Variants in GDAP1 observed in about 807,000 individuals in gnomAD.
The protein encoded by GDAP1 is ganglioside-induced differentiation-associated protein 1.
In GDAP1, 34 loss-of-function variants were observed where a neutral mutation model predicts 40.1. The observed-to-expected ratio is 0.85, with a 90% confidence interval of 0.64 to 1.13. The LOEUF (loss-of-function observed/expected upper bound fraction) is 1.13, where lower values mean the gene tolerates loss of function less well. Ranked by LOEUF, GDAP1 falls within the 50% of genes most tolerant of loss-of-function variation. The pLI, the probability that GDAP1 is intolerant of heterozygous loss-of-function variation, is 0.00. For synonymous variants in GDAP1, 170 were observed against 157.4 expected, an observed-to-expected ratio of 1.08 and a Z score of -0.60; for missense variants, 374 against 433.7, an observed-to-expected ratio of 0.86 and a Z score of 1.22.
In GDAP1 at chr8:74,400,324, C is replaced by T. The variant is rs202228231; in HGVS notation, c.165+49003C>T. On this transcript the variant is annotated intron_variant, in intron 2 of 2. Coordinates refer to the GDAP1 transcript ENST00000523640. ...ATGTAATGGCCTTCTTTGTCTCTTTCGATCTTTGTTGGATTAAAGTCTGTT... is the reference window on the plus strand; with the variant it reads ...ATGTAATGGCCTTCTTTGTCTCTTTTGATCTTTGTTGGATTAAAGTCTGTT... Among the ~76,000 whole-genome samples, 14 of 149,630 alleles carry T rather than the reference C, an allele frequency of 9.4e-5. 1 individual carries two copies. Among genetic ancestry groups the T allele is most frequent in the East Asian group, 5.8e-4 (3 of 5,190 alleles).
intron 2 of GDAP1, among the ~76,000 whole-genome samples, chr8:74,466,515 A>C (rs1337436168): frequency 6.6e-6 from 1 of 152,178 alleles, no homozygotes; most frequent in East Asian, 1.9e-4. Context: ...GGGCAATGAG[A>C]AGGAGTGCTG....
At chr8:74,372,561 A>T (rs1809772913) in intron 2 of GDAP1, among the ~76,000 whole-genome samples, 1 of 152,196 alleles carries the variant, frequency 6.6e-6, no homozygotes, top group Non-Finnish European at 1.5e-5. Flanking sequence ...GATGCATAAA[A>T]GTCTTCTTTT....
chr8:74,397,367 T>G (rs370848043), intron 2 of GDAP1, among the ~76,000 whole-genome samples: 23 of 152,038 alleles, frequency 1.5e-4, no homozygotes, highest in Non-Finnish European at 3.1e-4. Flanking sequence ...TTAATTAGAT[T>G]CCATTTGTCA....
At position 74,365,090 on chromosome 8, in the gene GDAP1, G is replaced by T; in HGVS notation, c.*723G>T. Reference sequence around the variant, plus strand: ...TGTCCAGTCAGTGGGAGGTAGAAAGGGTGGCATCTGTAGCCCTCTTCATAC... The same window carrying T: ...TGTCCAGTCAGTGGGAGGTAGAAAGTGTGGCATCTGTAGCCCTCTTCATAC... On this transcript the variant is annotated 3_prime_UTR_variant, in exon 6 of 6. Transcript: ENST00000220822. 1 of 453,976 alleles carries T rather than the reference G, an allele frequency of 2.2e-6. No individual in the cohort carries two copies. The highest frequency in any genetic ancestry group is 4.4e-6 in the Non-Finnish European group (1 of 226,726). 28.1% of individuals were successfully genotyped at this position (453,976 alleles called of 1,614,324 possible). A position where few individuals can be genotyped will look rare whatever the true frequency, so the allele number is the denominator to read the frequency against.
intron 2 of GDAP1, among the ~76,000 whole-genome samples, chr8:74,437,334 A>G (rs1806105486): frequency 6.6e-6 from 1 of 152,224 alleles, no homozygotes; most frequent in East Asian, 1.9e-4. Context: ...TACAGTTACC[A>G]GTCGCAGTAA....
intron 2 of GDAP1, among the ~76,000 whole-genome samples, chr8:74,381,207 A>C (rs925739842): frequency 1.3e-5 from 2 of 152,124 alleles, no homozygotes; most frequent in Admixed American, 1.3e-4. Context: ...TGACCCAATA[A>C]TTTGAGTTTT....
chr8:74,363,893 C>CA (rs1809490240), intron 5 of GDAP1, 92 bp from the exon 6 acceptor site: 1 of 995,558 alleles, frequency 1.0e-6, no homozygotes, highest in Non-Finnish European at 1.6e-6. Flanking sequence ...GCTATACTCA[C>CA]ACTCACCCTT....
intron 2 of GDAP1, among the ~76,000 whole-genome samples, chr8:74,456,964 G>C (rs1251514655): frequency 6.6e-6 from 1 of 152,044 alleles, no homozygotes; most frequent in African/African-American, 2.4e-5. Context: ...GCCAACTCCA[G>C]GAGATTTAAT....
chr8:74,423,394 TTATACA>T (rs1421204802), intron 2 of GDAP1, among the ~76,000 whole-genome samples: 1 of 147,520 alleles, frequency 6.8e-6, no homozygotes, highest in Non-Finnish European at 1.5e-5. Context: ...ATACTGTATA[TTATACA>T]TATATATAAT....
At chr8:74,410,028 T>C (rs2131553375) in intron 2 of GDAP1, among the ~76,000 whole-genome samples, 1 of 150,154 alleles carries the variant, frequency 6.7e-6, no homozygotes, top group South Asian at 2.1e-4. Context: ...GAACCCCTGG[T>C]GTTTCAGTAA....
intron 2 of GDAP1, among the ~76,000 whole-genome samples, chr8:74,445,801 A>C: frequency 6.6e-6 from 1 of 152,208 alleles, no homozygotes; most frequent in East Asian, 1.9e-4. Context: ...TATACAAATA[A>C]ATTAAAATAT....
intron 2 of GDAP1, among the ~76,000 whole-genome samples, chr8:74,446,046 C>T (rs529607344): frequency 8.3e-4 from 126 of 152,110 alleles, no homozygotes; most frequent in Middle Eastern, 3.4e-3. Flanking sequence ...ATAAATCTGC[C>T]CAACAAAATA....
At chr8:74,433,252 A>G (rs1806049335) in intron 2 of GDAP1, among the ~76,000 whole-genome samples, 1 of 152,034 alleles carries the variant, frequency 6.6e-6, no homozygotes, top group Non-Finnish European at 1.5e-5. Context: ...AAAACTTACA[A>G]CTGTATTAAA....
rs137879484 is a variant in GDAP1, at chr8:74,484,503, T to C, written c.166-4175T>C. Among the ~76,000 whole-genome samples the C allele has an allele frequency of 4.1e-3, 620 of 152,334 alleles. 4 individuals are homozygous for C. Among genetic ancestry groups the C allele is most frequent in the African/African-American group, 0.013 (540 of 41,586 alleles). On this transcript the variant is annotated intron_variant, in intron 2 of 2. Transcript: ENST00000523640. ...CATTGCTGATTCTGCAATAGTTTTA[T>C]GATATATAGCTATGAAAGAAGGAGA... is the stretch of plus-strand genomic sequence containing the variant.
chr8:74,393,458 T>G (rs746668193), intron 2 of GDAP1, among the ~76,000 whole-genome samples: 6 of 152,148 alleles, frequency 3.9e-5, no homozygotes, highest in Non-Finnish European at 7.3e-5. Flanking sequence ...TGGCCCCAAA[T>G]TTTTGTTTAA....
chr8:74,374,456 G>C (rs1809817351), intron 2 of GDAP1, among the ~76,000 whole-genome samples: 2 of 151,770 alleles, frequency 1.3e-5, no homozygotes, highest in South Asian at 4.2e-4. Flanking sequence ...ACAGAAAGAG[G>C]AGCAAATTAA....
chr8:74,459,477 T>C (rs1806374278), intron 2 of GDAP1, among the ~76,000 whole-genome samples: 1 of 152,230 alleles, frequency 6.6e-6, no homozygotes, highest in South Asian at 2.1e-4. Flanking sequence ...TCTGGGATTC[T>C]GCATTTTGAC....
In GDAP1 at chr8:74,391,193, G is replaced by A. The variant is rs12680897; in HGVS notation, c.165+39872G>A. Among the ~76,000 whole-genome samples, 811 of 148,504 alleles carry A rather than the reference G, an allele frequency of 5.5e-3. 2 individuals are homozygous for A. Among genetic ancestry groups the A allele is most frequent in the Middle Eastern group, 0.02 (6 of 294 alleles). The stretch of plus-strand genomic sequence containing the variant: ...CGCTTTACAGGGTAGTGAACGGTTC[G>A]GTCTCGCTGGCATTCCAGGCGCTAG... On this transcript the variant is annotated intron_variant, in intron 2 of 2. Transcript: ENST00000523640.
intron 2 of GDAP1, among the ~76,000 whole-genome samples, chr8:74,358,954 A>T (rs1021002939): frequency 4.6e-5 from 7 of 152,218 alleles, no homozygotes; most frequent in African/African-American, 1.7e-4. Flanking sequence ...CAGATATCTT[A>T]ATATTTTGAA....
Sources: gnomAD v4.1 joint callset for allele counts (sites outside exome capture counted in the v4.1 genomes callset) on GRCh38, gnomAD v4.1.1 for gene constraint, MANE v1.5 for transcripts, NCBI Gene and HGNC (gene_info 2026-07-23, HGNC 2026-07-21) for gene names.